Variants in NEK9 observed in about 807,000 individuals in gnomAD.
The protein encoded by NEK9 is NIMA related kinase 9.
In NEK9, 75 loss-of-function variants were observed where a neutral mutation model predicts 123.4. The ratio of observed to expected loss-of-function variants is 0.61; its 90% confidence interval spans 0.50 to 0.74. The LOEUF (loss-of-function observed/expected upper bound fraction) is 0.74, where lower values mean the gene tolerates loss of function less well. Ranked by LOEUF, NEK9 falls within the 30% of genes least tolerant of loss-of-function variation. The probability of loss-of-function intolerance (pLI) is 0.00; values close to 1 mark genes in which losing one functional copy is unlikely to be tolerated. For synonymous variants in NEK9, 438 were observed against 458.7 expected (o/e 0.95, Z 0.58); for missense variants, 952 against 1,214.4 (o/e 0.78, Z 3.21).
In NEK9 at chr14:75,126,723, T is replaced by C. The variant is rs1895541946; in HGVS notation, c.199A>G (p.Thr67Ala). 6.8e-7 allele frequency: 1 copy of C among 1,478,656 alleles called. No homozygotes were observed. The highest frequency in any genetic ancestry group is 9.0e-7 in the Non-Finnish European group (1 of 1,115,376). The allele number at this position is 1,478,656 out of a possible 1,614,324, so 91.6% of individuals were successfully genotyped here. A position where few individuals can be genotyped will look rare whatever the true frequency, so the allele number is the denominator to read the frequency against. ...VLGRGAFGEA[T>A]LYRRTEDDSL... ...GCTACCTCGGTGCGGCGGTACAGCG[T>C]GGCTTCCCCGAAGGCGCCGCGGCCC... is the stretch of plus-strand genomic sequence containing the variant. Residue 67 changes from threonine to alanine, a missense_variant, in exon 1 of 22, where the codon ACG (threonine) becomes GCG (alanine). Thr to Ala is a moderately conservative substitution (Grantham distance 58). Coordinates refer to ENST00000238616, the MANE Select transcript of NEK9 (RefSeq NM_033116.6).
At chr14:75,100,491 G>C (rs918758149) in intron 16 of NEK9, among the ~76,000 whole-genome samples, 4 of 152,120 alleles carry the variant, frequency 2.6e-5, no homozygotes, top group African/African-American at 7.2e-5. Flanking sequence ...AGAGAAAAGA[G>C]AGGAGAAAAA....
At position 75,126,926 on chromosome 14, in the gene NEK9, G is replaced by C. The variant is rs1038518507; in HGVS notation, c.-5C>G. ...GTACTCGCCCAGCACCGACATGGCG[G>C]CGGCCGCGGGCCTTGGGGACCAGCC... On this transcript the variant is annotated 5_prime_UTR_variant, in exon 1 of 22. Transcript: ENST00000238616. 6 of 1,456,948 alleles carry C rather than the reference G, an allele frequency of 4.1e-6. No homozygotes were observed. The highest frequency in any genetic ancestry group is 4.6e-6 in the Non-Finnish European group (5 of 1,098,166). 90.3% of individuals were successfully genotyped at this position (1,456,948 alleles called of 1,614,324 possible). A position where few individuals can be genotyped will look rare whatever the true frequency, so the allele number is the denominator to read the frequency against.
At chr14:75,126,681 G>C in intron 1 of NEK9, 22 bp downstream of exon 1, 1 of 1,394,548 alleles carries the variant, frequency 7.2e-7, no homozygotes, top group Non-Finnish European at 9.3e-7. Flanking sequence ...CAGACAGGGC[G>C]GCCGGCGCCG....
rs777790127 is a variant in NEK9 at position 75,104,007 on chromosome 14, A to G, written c.1576-10T>C. 1 of 1,596,736 alleles carries G rather than the reference A, an allele frequency of 6.3e-7. No homozygotes were observed. The highest frequency in any genetic ancestry group is 8.5e-7 in the Non-Finnish European group (1 of 1,174,736). On this transcript the variant is annotated splice_polypyrimidine_tract_variant and intron_variant, in intron 13 of 21. Transcript: ENST00000238616. ...CCTTGGGAACATCCACCTGCAAGAA[A>G]AAAATCAGAAAAAGAAATCCCAAAT...
Position 75,126,769 on chromosome 14 carries a change from G to C in NEK9, c.153C>G (p.His51Gln). 1 of 1,530,646 alleles carries C rather than the reference G, an allele frequency of 6.5e-7. No individual in the cohort carries two copies. The highest frequency in any genetic ancestry group is 1.2e-5 in the South Asian group (1 of 81,718). 94.8% of individuals were successfully genotyped at this position (1,530,646 alleles called of 1,614,324 possible). A position where few individuals can be genotyped will look rare whatever the true frequency, so the allele number is the denominator to read the frequency against. Residue 51 changes from histidine to glutamine, a missense_variant, in exon 1 of 22, where the codon CAC (histidine) becomes CAG (glutamine). This residue lies in a region of NEK9 where 120 missense variants were observed against 97.6 expected (regional missense o/e 1.23). Coordinates refer to ENST00000238616, the MANE Select transcript of NEK9 (RefSeq NM_033116.6). ...GGGAAEQEEL[H>Q]YIPIRVLGRG... ...GGCCCAGGACGCGGATGGGGATGTAGTGCAGTTCCTCCTGCTCCGCCGCGC... is the reference window on the plus strand; with the variant it reads ...GGCCCAGGACGCGGATGGGGATGTACTGCAGTTCCTCCTGCTCCGCCGCGC...
intron 1 of NEK9, among the ~76,000 whole-genome samples, chr14:75,125,798 C>G (rs887516713): frequency 6.6e-6 from 1 of 152,228 alleles, no homozygotes; most frequent in East Asian, 1.9e-4. Context: ...ACCAGAACTG[C>G]AGATGGATTT....
chr14:75,112,399 A>G (rs942149804), intron 8 of NEK9, among the ~76,000 whole-genome samples: 1 of 152,256 alleles, frequency 6.6e-6, no homozygotes, highest in African/African-American at 2.4e-5. Flanking sequence ...CTATCTCTAA[A>G]GATATCTGAC....
chr14:75,122,765 A>G (rs937535467), intron 2 of NEK9, among the ~76,000 whole-genome samples: 2 of 148,162 alleles, frequency 1.3e-5, no homozygotes, highest in Non-Finnish European at 3.0e-5. Flanking sequence ...TGTTGGGATT[A>G]CAGGCGTGAG....
intron 1 of NEK9, among the ~76,000 whole-genome samples, chr14:75,126,479 G>A (rs148909870): frequency 1.5e-3 from 236 of 152,304 alleles, no homozygotes; most frequent in Non-Finnish European, 3.0e-3. Flanking sequence ...TAAAGCTCAA[G>A]AGACGGTTAG....
rs1044224313 is a variant in NEK9, at chr14:75,120,767, G to A, written c.454-187C>T. 4 of 583,424 alleles carry A rather than the reference G, an allele frequency of 6.9e-6. No individual in the cohort carries two copies. The African/African-American group carries it at 7.5e-5, about 11-fold the overall frequency. The allele number at this position is 583,424 out of a possible 1,614,324, so 36.1% of individuals were successfully genotyped here. On this transcript the variant is annotated intron_variant, in intron 3 of 21. Coordinates refer to ENST00000238616, the MANE Select transcript of NEK9 (RefSeq NM_033116.6). ...AAGGGGTAAAAAACCACAAAAAACAGGTTCCTCATAAAATAGTTCCAATGT... is the reference window on the plus strand; with the variant it reads ...AAGGGGTAAAAAACCACAAAAAACAAGTTCCTCATAAAATAGTTCCAATGT...
chr14:75,117,727 T>C (rs1276714939), intron 5 of NEK9, among the ~76,000 whole-genome samples: 2 of 152,182 alleles, frequency 1.3e-5, no homozygotes, highest in Non-Finnish European at 2.9e-5. Flanking sequence ...ATGAAGGAAT[T>C]AGATGTTCTA....
At chr14:75,122,608 G>A (rs565075313) in intron 2 of NEK9, among the ~76,000 whole-genome samples, 75 of 151,704 alleles carry the variant, frequency 4.9e-4, no homozygotes, top group African/African-American at 1.7e-3. Context: ...TGGTTCAAGC[G>A]ATTCTCCTGC....
Position 75,124,082 on chromosome 14 carries a change from T to C in NEK9, c.361A>G (p.Asn121Asp), listed in dbSNP as rs1294725062. Residue 121 changes from asparagine (N) to aspartate (D), a missense_variant, in exon 2 of 22, where the codon AAT becomes GAT. Physicochemically the swap from Asn to Asp is conservative, Grantham distance 23 (BLOSUM62 1). Around this residue, in one of 4 missense-constraint regions of NEK9, gnomAD observed 106 missense variants for 153.0 expected, o/e 0.69. Transcript: ENST00000238616. ...TCCAGCTCAATCAGCAGCGTGGTATTGTCCATGAAGTGATTGTAGTAGGCA... is the reference window on the plus strand; with the variant it reads ...TCCAGCTCAATCAGCAGCGTGGTATCGTCCATGAAGTGATTGTAGTAGGCA... ...IIAYYNHFMD[N>D]TTLLIELEYC... 1 of 1,613,882 alleles carries C rather than the reference T, an allele frequency of 6.2e-7. No individual in the cohort carries two copies. The highest frequency in any genetic ancestry group is 8.5e-7 in the Non-Finnish European group (1 of 1,179,776).
rs1440812482 is a variant in NEK9 at position 75,097,344 on chromosome 14, T to C, written c.2003-74A>G. The C allele has an allele frequency of 4.6e-6, 6 of 1,300,564 alleles. No homozygotes were observed. The East Asian group carries it at 9.7e-5, about 21-fold the overall frequency. 80.6% of individuals were successfully genotyped at this position (1,300,564 alleles called of 1,614,324 possible). ...CAATTCTCCGGGTTCCCCATCTTTA[T>C]ATCCTAGAGCTAGAAAGACTTCCCA... is the stretch of plus-strand genomic sequence containing the variant. On this transcript the variant is annotated intron_variant, in intron 16 of 21. Coordinates refer to ENST00000238616, the MANE Select transcript of NEK9 (RefSeq NM_033116.6).
intron 4 of NEK9, 55 bp downstream of exon 4, chr14:75,120,455 G>A (rs1286334708): frequency 6.3e-6 from 8 of 1,269,338 alleles, no homozygotes; most frequent in African/African-American, 1.5e-5. Flanking sequence ...GGGTATCCAC[G>A]GTAGGGGCTG....
At chr14:75,096,355 A>AAAG (rs1894384911) in intron 17 of NEK9, among the ~76,000 whole-genome samples, 1 of 151,890 alleles carries the variant, frequency 6.6e-6, no homozygotes, top group Non-Finnish European at 1.5e-5. Context: ...CACTGATCTA[A>AAAG]AAGTAGACTT....
At chr14:75,112,508 C>A (rs1237455156) in intron 8 of NEK9, among the ~76,000 whole-genome samples, 1 of 152,068 alleles carries the variant, frequency 6.6e-6, no homozygotes, top group Non-Finnish European at 1.5e-5. Flanking sequence ...TCCAACCTAC[C>A]ACCTAAACAA....
rs1159663632 is a variant in NEK9 at position 75,123,950 on chromosome 14, T to G, written c.397+96A>C. On this transcript the variant is annotated intron_variant, in intron 2 of 21. Coordinates refer to ENST00000238616, the MANE Select transcript of NEK9 (RefSeq NM_033116.6). ...ACTCTAGAAATTCATTTAAAGTTTT[T>G]ATCACTGTATATGTCTCTTCTTATA... 10 of 986,130 alleles carry G rather than the reference T, an allele frequency of 1.0e-5. 1 individual carries two copies. The South Asian group carries it at 2.5e-4, about 25-fold the overall frequency. 61.1% of individuals were successfully genotyped at this position (986,130 alleles called of 1,614,324 possible). A position where few individuals can be genotyped will look rare whatever the true frequency, so the allele number is the denominator to read the frequency against.
chr14:75,097,966 G>C (rs1894443602), intron 16 of NEK9, among the ~76,000 whole-genome samples: 1 of 152,170 alleles, frequency 6.6e-6, no homozygotes, highest in Non-Finnish European at 1.5e-5. Flanking sequence ...GCTCACATAG[G>C]GCCAGTCGGG....
Sources: allele counts gnomAD v4.1 joint callset (sites outside exome capture counted in the v4.1 genomes callset), GRCh38; gene constraint gnomAD v4.1.1; regional missense constraint gnomAD v4.1.1; transcripts MANE v1.5; gene names NCBI Gene and HGNC (gene_info 2026-07-23, HGNC 2026-07-21).